MUCL1: variants seen among roughly 807,000 people sequenced by gnomAD.
MUCL1 encodes the protein mucin-like protein 1.
In MUCL1, 11 loss-of-function variants were observed where a neutral mutation model predicts 9.2. That is an observed-to-expected ratio of 1.19 (90% confidence interval 0.75 to 1.97). The LOEUF (loss-of-function observed/expected upper bound fraction) is 1.97. Among genes scored for constraint, MUCL1 ranks in the 30% most tolerant of loss-of-function variants. The pLI is 0.00. For missense variants in MUCL1, 144 were observed against 110.9 expected (o/e 1.30, Z -1.34); for synonymous variants, 48 against 40.5 (o/e 1.19, Z -0.71).
intron 1 of MUCL1, among the ~76,000 whole-genome samples, chr12:54,849,414 G>A (rs565203127): frequency 8.5e-5 from 13 of 152,084 alleles, no homozygotes; most frequent in South Asian, 4.2e-4. Flanking sequence ...GGCCCATCTA[G>A]AGACTTTTAC....
At chr12:54,854,908 T>G (rs574101645) in intron 1 of MUCL1, among the ~76,000 whole-genome samples, 70 of 152,258 alleles carry the variant, frequency 4.6e-4, no homozygotes, top group Non-Finnish European at 7.6e-4. Context: ...AGAGGTTTAT[T>G]TCGGGAAAGG....
upstream of MUCL1, among the ~76,000 whole-genome samples, chr12:54,836,025 T>C (rs1406271844): frequency 6.6e-6 from 1 of 152,202 alleles, no homozygotes; most frequent in Non-Finnish European, 1.5e-5. Flanking sequence ...TCATCAGGAA[T>C]ATTGGTCTGT....
chr12:54,845,430 A>G (rs1959240571), intron 1 of MUCL1, among the ~76,000 whole-genome samples: 1 of 152,168 alleles, frequency 6.6e-6, no homozygotes, highest in Non-Finnish European at 1.5e-5. Flanking sequence ...GGAAAATGCA[A>G]CAAGATGTGA....
intron 1 of MUCL1, among the ~76,000 whole-genome samples, chr12:54,831,538 C>T (rs140587752): frequency 3.3e-5 from 5 of 152,088 alleles, no homozygotes; most frequent in African/African-American, 1.2e-4. Context: ...ACTAACTTTG[C>T]TTAATGTTAC....
upstream of MUCL1, among the ~76,000 whole-genome samples, chr12:54,849,769 C>T (rs1403510361): frequency 6.6e-6 from 1 of 151,968 alleles, no homozygotes; most frequent in African/African-American, 2.4e-5. Context: ...ATTTTATATA[C>T]TCACATATGA....
At chr12:54,833,571 CT>C (rs1367987730) in intron 1 of MUCL1, among the ~76,000 whole-genome samples, 2 of 151,978 alleles carry the variant, frequency 1.3e-5, no homozygotes, top group African/African-American at 4.8e-5. Flanking sequence ...TTATTCAAAA[CT>C]TTTCCCCAAT....
intron 1 of MUCL1, among the ~76,000 whole-genome samples, chr12:54,832,903 G>A (rs1959187299): frequency 6.6e-6 from 1 of 151,986 alleles, no homozygotes. Flanking sequence ...GGTATAAAGT[G>A]ATCAGCTATA....
intron 2 of MUCL1, 62 bp downstream of exon 2, chr12:54,855,219 T>C: frequency 7.0e-7 from 1 of 1,435,444 alleles, no homozygotes; most frequent in Non-Finnish European, 9.8e-7. Context: ...TCCAGCCTCA[T>C]GTCAAACAGC....
chr12:54,851,498 G>A (rs1959339401), upstream of MUCL1, among the ~76,000 whole-genome samples: 1 of 152,110 alleles, frequency 6.6e-6, no homozygotes. Flanking sequence ...AGGTATTGAT[G>A]GGACGTATCT....
upstream of MUCL1, among the ~76,000 whole-genome samples, chr12:54,835,584 G>C (rs546484555): frequency 2.1e-5 from 3 of 141,574 alleles, no homozygotes; most frequent in East Asian, 2.1e-4. Context: ...TTCGTGTCAC[G>C]TGTCCACTTT....
At chr12:54,839,623 G>A (rs2121484738) in intron 1 of MUCL1, among the ~76,000 whole-genome samples, 1 of 152,248 alleles carries the variant, frequency 6.6e-6, no homozygotes, top group South Asian at 2.1e-4. Flanking sequence ...GCTGACCAGT[G>A]TTTCAGCTAT....
intron 1 of MUCL1, among the ~76,000 whole-genome samples, chr12:54,832,313 G>A (rs144248693): frequency 2.6e-4 from 39 of 152,134 alleles, no homozygotes; most frequent in African/African-American, 9.4e-4. Flanking sequence ...TGGGTGGGGG[G>A]ATTATTGGTT....
In MUCL1 at chr12:54,854,599, T is replaced by C. The variant is rs1225372754; in HGVS notation, c.17T>C (p.Val6Ala). MKFLA[V>A]LVLLGVSIFL... ...GTCACCACCATGAAGTTCTTAGCAG[T>C]CCTGGTACTCTTGGGAGTTTCCATC... Residue 6 changes from valine to alanine, a missense_variant, in exon 1 of 4, where the codon GTC (valine) becomes GCC (alanine). By Grantham distance (64) the Val-to-Ala change is moderately conservative. Coordinates refer to ENST00000308796, the MANE Select transcript of MUCL1 (RefSeq NM_058173.3). 2.5e-6 allele frequency: 4 copies of C among 1,613,454 alleles called. No homozygotes were observed. Among genetic ancestry groups the C allele is most frequent in the Admixed American group, 1.7e-5 (1 of 59,928 alleles).
At chr12:54,855,518 A>G in intron 2 of MUCL1, 1 of 235,424 alleles carries the variant, frequency 4.2e-6, no homozygotes. Flanking sequence ...TCAAAAAGAG[A>G]CCAGTGGGTC....
intron 1 of MUCL1, 39 bp downstream of exon 1, chr12:54,854,679 A>G (rs1592250037): frequency 6.4e-7 from 1 of 1,554,496 alleles, no homozygotes; most frequent in Non-Finnish European, 8.9e-7. Context: ...GTTTTGTGGG[A>G]ATATACATAA....
intron 2 of MUCL1, 178 bp downstream of exon 2, chr12:54,855,335 T>C (rs1422115115): frequency 3.3e-6 from 2 of 605,074 alleles, no homozygotes; most frequent in Non-Finnish European, 5.9e-6. Flanking sequence ...AATCTGCTTA[T>C]TTCTTATACA....
upstream of MUCL1, among the ~76,000 whole-genome samples, chr12:54,853,839 T>A (rs367862523): frequency 5.9e-5 from 9 of 152,348 alleles, no homozygotes; most frequent in South Asian, 1.7e-3. Context: ...TAATGCTCAA[T>A]GAATGTTTTT....
chr12:54,856,953 C>T (rs757008040), intron 3 of MUCL1, 61 bp downstream of exon 3: 151 of 1,608,630 alleles, frequency 9.4e-5, no homozygotes, highest in Non-Finnish European at 1.2e-4. Context: ...CTTGGGTTCT[C>T]TATTCTCACA....
upstream of MUCL1, chr12:54,854,378 G>C (rs1868281537): frequency 1.9e-6 from 1 of 539,684 alleles, no homozygotes; most frequent in Non-Finnish European, 3.3e-6. Context: ...CCTTTCCAAA[G>C]GGCCCCTGGC....
Sources: allele counts gnomAD v4.1 joint callset (sites outside exome capture counted in the v4.1 genomes callset), GRCh38; gene constraint gnomAD v4.1.1; transcripts MANE v1.5; gene names NCBI Gene and HGNC (gene_info 2026-07-23, HGNC 2026-07-21).